SUMF1: variants seen among roughly 807,000 people sequenced by gnomAD.
The protein encoded by SUMF1 is sulfatase modifying factor 1.
SUMF1 carries 48 observed loss-of-function variants against 47.6 expected under a neutral mutation model. The ratio of observed to expected loss-of-function variants is 1.01; its 90% CI spans 0.80 to 1.28. The LOEUF is 1.28. Among genes scored for constraint, SUMF1 ranks in the 50% most tolerant of loss-of-function variants. SUMF1 has a pLI of 0.00. For missense variants in SUMF1, 571 were observed against 485.4 expected (o/e 1.18, Z -1.66); for synonymous variants, 230 against 192.1 (o/e 1.20, Z -1.63).
chr3:4,374,120 A>C (rs1187396045), intron 8 of SUMF1, among the ~76,000 whole-genome samples: 3 of 152,204 alleles, frequency 2.0e-5, no homozygotes, highest in Non-Finnish European at 4.4e-5. Flanking sequence ...CCCTAAGATC[A>C]AGAATGAGGT....
At chr3:4,392,230 A>G (rs998491314) in intron 7 of SUMF1, among the ~76,000 whole-genome samples, 2 of 152,160 alleles carry the variant, frequency 1.3e-5, no homozygotes, top group Admixed American at 6.5e-5. Flanking sequence ...TTCAGTTAGT[A>G]GTATACTTTT....
At position 4,049,235 on chromosome 3, in the gene SUMF1, A is replaced by G. The variant is rs115738190; in HGVS notation, c.1191+19334T>C. On this transcript the variant is annotated intron_variant and NMD_transcript_variant, in intron 9 of 12. Coordinates refer to the SUMF1 transcript ENST00000448413. ...GGACCTAAGCTAACAGAGCATTTCC[A>G]GTTGCCATGGCAGAAGGAAAATGGG... is the stretch of plus-strand genomic sequence containing the variant. Among the ~76,000 whole-genome samples, 1,174 of 152,304 alleles carry G rather than the reference A, an allele frequency of 7.7e-3. 19 individuals carry two copies. The highest frequency in any genetic ancestry group is 0.026 in the African/African-American group (1,072 of 41,560).
chr3:4,135,026 C>G (rs565703233), intron 8 of SUMF1, among the ~76,000 whole-genome samples: 4 of 152,210 alleles, frequency 2.6e-5, no homozygotes, highest in African/African-American at 9.6e-5. Context: ...GATTCACAGC[C>G]GAATTCTACC....
intron 8 of SUMF1, among the ~76,000 whole-genome samples, chr3:4,110,503 A>G (rs1174858132): frequency 1.2e-4 from 18 of 152,098 alleles, no homozygotes; most frequent in Admixed American, 1.2e-3. Flanking sequence ...GTATATACCC[A>G]AAGGATTATA....
intron 4 of SUMF1, among the ~76,000 whole-genome samples, chr3:4,419,300 T>C (rs1701816631): frequency 6.6e-6 from 1 of 152,188 alleles, no homozygotes; most frequent in African/African-American, 2.4e-5. Context: ...TGAAAGATGT[T>C]TGACATTTGT....
At chr3:4,287,406 G>GC (rs1559653386) in intron 8 of SUMF1, among the ~76,000 whole-genome samples, 1 of 100,862 alleles carries the variant, frequency 9.9e-6, no homozygotes, top group East Asian at 2.0e-4. Context: ...AACATAAATT[G>GC]TAAAAAAAAA....
chr3:4,149,658 C>T (rs1694273581), intron 8 of SUMF1, among the ~76,000 whole-genome samples: 1 of 152,196 alleles, frequency 6.6e-6, no homozygotes, highest in Non-Finnish European at 1.5e-5. Flanking sequence ...AAGCAACCAT[C>T]CCCACTTGGC....
chr3:4,422,493 A>T lies in SUMF1; in HGVS notation c.520-2347T>A, dbSNP rs1291382462. Reference sequence around the variant, plus strand: ...TAAAATATTTCATCATTAGTGATTTAAAAAAAAAAAAAAACATGATTTGTT... The same window carrying T: ...TAAAATATTTCATCATTAGTGATTTTAAAAAAAAAAAAAACATGATTTGTT... On this transcript the variant is annotated intron_variant, in intron 3 of 8. Transcript: ENST00000272902. Among the ~76,000 whole-genome samples the T allele has an allele frequency of 5.2e-5, 7 of 135,136 alleles. No individual in the cohort carries two copies. In the South Asian group the frequency reaches 6.6e-4, roughly 13 times the overall value. 88.7% of individuals were successfully genotyped at this position (135,136 alleles called of 152,430 possible).
intron 8 of SUMF1, among the ~76,000 whole-genome samples, chr3:4,165,103 TC>T (rs1442041551): frequency 2.0e-5 from 3 of 152,188 alleles, no homozygotes; most frequent in Non-Finnish European, 4.4e-5. Flanking sequence ...TTTGTCCCTT[TC>T]TTCAGCTGTC....
intron 8 of SUMF1, among the ~76,000 whole-genome samples, chr3:4,074,728 A>G (rs1160750897): frequency 2.0e-5 from 3 of 152,172 alleles, no homozygotes; most frequent in Non-Finnish European, 1.5e-5. Flanking sequence ...CAAATAAATT[A>G]GAAAATCTAG....
chr3:4,104,823 C>CA (rs1369667739), intron 8 of SUMF1, among the ~76,000 whole-genome samples: 2 of 151,998 alleles, frequency 1.3e-5, no homozygotes, highest in African/African-American at 2.4e-5. Context: ...TTTCTATGCT[C>CA]AAACATGTAT....
At chr3:4,245,984 G>C (rs1407973409) in intron 8 of SUMF1, among the ~76,000 whole-genome samples, 1 of 152,174 alleles carries the variant, frequency 6.6e-6, no homozygotes, top group Non-Finnish European at 1.5e-5. Context: ...CCCTTTCCCT[G>C]CCAAGCTCCA....
chr3:4,439,278 C>G (rs1702500506), intron 3 of SUMF1, among the ~76,000 whole-genome samples: 1 of 151,676 alleles, frequency 6.6e-6, no homozygotes, highest in South Asian at 2.1e-4. Flanking sequence ...AATGCCAGCA[C>G]TTTAGGAGGC....
intron 8 of SUMF1, among the ~76,000 whole-genome samples, chr3:4,085,886 A>C (rs1464036797): frequency 1.3e-5 from 2 of 152,134 alleles, no homozygotes; most frequent in Non-Finnish European, 2.9e-5. Flanking sequence ...TATTGTTATC[A>C]ATCATTCCTT....
At chr3:4,415,186 C>G (rs1215081543) in intron 6 of SUMF1, among the ~76,000 whole-genome samples, 1 of 144,026 alleles carries the variant, frequency 6.9e-6, no homozygotes. Context: ...ACGATCACGC[C>G]ACTGCACTCC....
chr3:4,192,415 T>G (rs939470464), intron 8 of SUMF1, among the ~76,000 whole-genome samples: 2 of 152,044 alleles, frequency 1.3e-5, no homozygotes, highest in East Asian at 3.8e-4. Flanking sequence ...CATATGACAA[T>G]GGTTAATAGT....
chr3:4,454,685 T>C (rs1372480151), intron 1 of SUMF1, among the ~76,000 whole-genome samples: 1 of 152,132 alleles, frequency 6.6e-6, no homozygotes, highest in Non-Finnish European at 1.5e-5. Context: ...CAAATGTATA[T>C]CAGCTGATGA....
chr3:4,240,982 C>G (rs1696524665), intron 8 of SUMF1, among the ~76,000 whole-genome samples: 1 of 151,952 alleles, frequency 6.6e-6, no homozygotes, highest in South Asian at 2.1e-4. Context: ...GATATCCTTT[C>G]CTAATATTAT....
At chr3:4,083,837 G>A (rs1692617167) in intron 8 of SUMF1, among the ~76,000 whole-genome samples, 1 of 140,032 alleles carries the variant, frequency 7.1e-6, no homozygotes, top group Non-Finnish European at 1.5e-5. Context: ...ACACAGGCAT[G>A]TCAAAAAAAA....
Sources: gnomAD v4.1 joint callset for allele counts (sites outside exome capture counted in the v4.1 genomes callset) on GRCh38, gnomAD v4.1.1 for gene constraint, MANE v1.5 for transcripts, NCBI Gene and HGNC (gene_info 2026-07-23, HGNC 2026-07-21) for gene names.